Variants in MACF1 observed in about 807,000 individuals in gnomAD.
MACF1 encodes the protein microtubule-actin cross-linking factor 1.
In MACF1, 193 loss-of-function variants were observed where a neutral mutation model predicts 854.8. The ratio of observed to expected loss-of-function variants is 0.23; its 90% CI spans 0.20 to 0.25. The LOEUF is 0.25. MACF1 is among the 10% of genes least tolerant of loss of function. MACF1 has a pLI of 1.00. For missense variants in MACF1, 7,722 were observed against 8,929.1 expected (o/e 0.86, Z 5.45); for synonymous variants, 3,185 against 3,226.7 (o/e 0.99, Z 0.44).
intron 58 of MACF1, among the ~76,000 whole-genome samples, chr1:39,402,830 A>C (rs1277679449): frequency 1.3e-5 from 2 of 152,092 alleles, no homozygotes; most frequent in Non-Finnish European, 2.9e-5. Context: ...CTTTCTTGAA[A>C]GTTAATTTAC....
intron 91 of MACF1, 85 bp downstream of exon 91, chr1:39,459,334 A>C (rs954257135): frequency 7.3e-7 from 1 of 1,367,768 alleles, no homozygotes; most frequent in Non-Finnish European, 9.9e-7. Flanking sequence ...CTTAATGTGA[A>C]CCTTGTGTCT....
chr1:39,413,089 C>A, intron 58 of MACF1: 1 of 1,604,524 alleles, frequency 6.2e-7, no homozygotes, highest in Non-Finnish European at 8.5e-7. Flanking sequence ...AGCCATCACA[C>A]AGGAGGGTAT....
intron 2 of MACF1, among the ~76,000 whole-genome samples, chr1:39,096,529 T>C (rs1641940776): frequency 6.7e-6 from 1 of 150,130 alleles, no homozygotes; most frequent in South Asian, 2.1e-4. Flanking sequence ...GCAGAGGTCG[T>C]AGTGAGTCGA....
intron 58 of MACF1, among the ~76,000 whole-genome samples, chr1:39,394,698 T>G (rs948934062): frequency 2.0e-5 from 3 of 152,154 alleles, no homozygotes; most frequent in Non-Finnish European, 2.9e-5. Context: ...ACTCCTTCCT[T>G]TCAAATGATT....
At chr1:39,231,330 T>G in intron 2 of MACF1, 87 bp downstream of exon 2, 1 of 1,227,912 alleles carries the variant, frequency 8.1e-7, no homozygotes, top group Non-Finnish European at 1.2e-6. Context: ...TGGTTTAGAT[T>G]GCTTGCTGTG....
Position 39,411,231 on chromosome 1 carries a change from G to GGAGGAT in MACF1, c.15817-11139_15817-11134dup, listed in dbSNP as rs767058110. 35 of 1,613,770 alleles carry GGAGGAT rather than the reference G, an allele frequency of 2.2e-5. No homozygotes were observed. In the African/African-American group the frequency reaches 4.1e-4, roughly 19 times the overall value. ...AAACAGAGTCTGAGCTAAAGTTTGA[G>GGAGGAT]GAGGATGAGCGATGGATTATGATGG... On this transcript the variant is annotated intron_variant, in intron 58 of 100. Transcript: ENST00000564288.
intron 26 of MACF1, among the ~76,000 whole-genome samples, chr1:39,311,489 T>G (rs184814280): frequency 7.3e-4 from 111 of 152,314 alleles, no homozygotes; most frequent in Admixed American, 1.9e-3. Flanking sequence ...CAATGCACGA[T>G]ATAGGGTTAT....
At chr1:39,290,731 G>A (rs370909025) in intron 15 of MACF1, among the ~76,000 whole-genome samples, 5 of 141,174 alleles carry the variant, frequency 3.5e-5, no homozygotes, top group East Asian at 4.3e-4. Flanking sequence ...GCAATGGCAC[G>A]ATCTCGGCTC....
chr1:39,365,721 G>GC (rs1243146607), intron 49 of MACF1, among the ~76,000 whole-genome samples: 1 of 151,442 alleles, frequency 6.6e-6, no homozygotes, highest in Non-Finnish European at 1.5e-5. Flanking sequence ...TGTCACCCAG[G>GC]CTGGGGTGCA....
intron 58 of MACF1, among the ~76,000 whole-genome samples, chr1:39,401,489 A>G (rs1642476251): frequency 6.6e-6 from 1 of 152,248 alleles, no homozygotes; most frequent in South Asian, 2.1e-4. Context: ...GCAGAGTTTC[A>G]GAAGCAAGCA....
intron 2 of MACF1, among the ~76,000 whole-genome samples, chr1:39,171,826 C>T (rs1643953704): frequency 1.3e-5 from 2 of 151,834 alleles, no homozygotes; most frequent in Admixed American, 1.3e-4. Context: ...CGGGGTTTCA[C>T]CATGTTAGCT....
At position 39,334,366 on chromosome 1, in the gene MACF1, T is replaced by C; in HGVS notation, c.7778T>C (p.Leu2593Ser). The change falls in exon 37 of 101, where the codon TTG becomes TCG. Residue 2593 changes from leucine to serine, a missense_variant. Around this residue, in one of 15 missense-constraint regions of MACF1, gnomAD observed 1,531 missense variants for 1,601.6 expected, o/e 0.96. Coordinates refer to ENST00000564288, the MANE Select transcript of MACF1 (RefSeq NM_001394062.1). ...GTGGATCTCATTTCTGGTCAGAGAT[T>C]GACCTTGGCAGAAGCTAAAAAAGAA... is the stretch of plus-strand genomic sequence containing the variant. ...NFVDLISGQR[L>S]TLAEAKKEGL... 1 of 1,614,082 alleles carries C rather than the reference T, an allele frequency of 6.2e-7. No homozygotes were observed. Among genetic ancestry groups the C allele is most frequent in the Non-Finnish European group, 8.5e-7 (1 of 1,180,010 alleles).
At chr1:39,151,361 C>T (rs1345131471) in intron 2 of MACF1, among the ~76,000 whole-genome samples, 4 of 152,130 alleles carry the variant, frequency 2.6e-5, no homozygotes, top group Non-Finnish European at 5.9e-5. Flanking sequence ...CCTTCCTTTT[C>T]GTTACTGCCA....
intron 1 of MACF1, among the ~76,000 whole-genome samples, chr1:39,222,159 C>T (rs1400164668): frequency 6.6e-6 from 1 of 152,160 alleles, no homozygotes; most frequent in Non-Finnish European, 1.5e-5. Context: ...CAGGGTCTTG[C>T]TGTCACCCAG....
At chr1:39,287,121 C>T (rs761931181) in intron 14 of MACF1, among the ~76,000 whole-genome samples, 165 bp from the exon 15 acceptor site, 7 of 151,816 alleles carry the variant, frequency 4.6e-5, no homozygotes, top group Non-Finnish European at 7.4e-5. Flanking sequence ...CCACCACACC[C>T]GGCTAATTTT....
chr1:39,392,058 C>A (rs1351157953), intron 58 of MACF1, among the ~76,000 whole-genome samples: 1 of 152,170 alleles, frequency 6.6e-6, no homozygotes, highest in Non-Finnish European at 1.5e-5. Flanking sequence ...TGATCAGTAT[C>A]CACCCTCAAG....
chr1:39,421,980 C>T (rs1239083338), intron 58 of MACF1, among the ~76,000 whole-genome samples: 3 of 151,914 alleles, frequency 2.0e-5, no homozygotes, highest in African/African-American at 7.3e-5. Context: ...AAGACTGAGG[C>T]AGGAGAATGG....
chr1:39,351,047 T>C, intron 43 of MACF1, 29 bp downstream of exon 43: 1 of 1,551,628 alleles, frequency 6.4e-7, no homozygotes, highest in Non-Finnish European at 8.7e-7. Context: ...GCTTGATATT[T>C]TTCAAAAAAG....
chr1:39,190,279 CTTCT>C (rs929988799), intron 2 of MACF1, among the ~76,000 whole-genome samples: 5 of 151,490 alleles, frequency 3.3e-5, no homozygotes, highest in Non-Finnish European at 7.4e-5. Context: ...GCCTCTCTCT[CTTCT>C]TTCTTTCTTT....
Sources: gnomAD v4.1 joint callset for allele counts (sites outside exome capture counted in the v4.1 genomes callset) on GRCh38, gnomAD v4.1.1 for gene constraint, gnomAD v4.1.1 regional missense constraint, MANE v1.5 for transcripts, NCBI Gene and HGNC (gene_info 2026-07-23, HGNC 2026-07-21) for gene names.